The following SLC24A2 variants were observed in gnomAD, a reference collection of about 807,000 sequenced individuals.
SLC24A2 encodes sodium/potassium/calcium exchanger 2.
In SLC24A2, 36 loss-of-function variants were observed where a neutral mutation model predicts 62.0. The ratio of observed to expected loss-of-function variants is 0.58; its 90% CI spans 0.44 to 0.77. The LOEUF (loss-of-function observed/expected upper bound fraction) is 0.77. SLC24A2 is among the 30% of genes least tolerant of loss of function. The pLI, the probability that SLC24A2 is intolerant of heterozygous loss-of-function variation, is 0.00. For missense variants in SLC24A2, 846 were observed against 817.9 expected (o/e 1.03, Z -0.42); for synonymous variants, 358 against 294.0 (o/e 1.22, Z -2.23).
At chr9:20,196,384 T>C in the SLC24A2 span, among the ~76,000 whole-genome samples, 1 of 152,244 alleles carries the variant, frequency 6.6e-6, no homozygotes, top group Non-Finnish European at 1.5e-5. Flanking sequence ...ATTTTCTAAC[T>C]AGTGAGTTTC....
chr9:19,713,574 T>C (rs1820776148), intron 2 of SLC24A2, among the ~76,000 whole-genome samples: 1 of 151,950 alleles, frequency 6.6e-6, no homozygotes, highest in Non-Finnish European at 1.5e-5. Context: ...AACATTGATG[T>C]CTATTTGCCT....
chr9:20,191,049 G>C, the SLC24A2 span, among the ~76,000 whole-genome samples: 2 of 152,066 alleles, frequency 1.3e-5, no homozygotes, highest in African/African-American at 4.8e-5. Flanking sequence ...TTTGTGAATT[G>C]ACTTTGAAAG....
chr9:20,106,196 G>T, the SLC24A2 span, among the ~76,000 whole-genome samples: 1 of 152,170 alleles, frequency 6.6e-6, no homozygotes, highest in African/African-American at 2.4e-5. Flanking sequence ...TGAAATTGTG[G>T]CAATAATCAA....
At chr9:19,630,536 G>C (rs1462026125) in intron 2 of SLC24A2, among the ~76,000 whole-genome samples, 3 of 152,098 alleles carry the variant, frequency 2.0e-5, no homozygotes, top group Admixed American at 6.5e-5. Flanking sequence ...CATATTTATA[G>C]TCTTCTAGCT....
intron 1 of SLC24A2, among the ~76,000 whole-genome samples, chr9:19,787,404 A>C (rs1164985403): frequency 6.6e-6 from 1 of 152,218 alleles, no homozygotes; most frequent in Non-Finnish European, 1.5e-5. Context: ...CAGTGCTATA[A>C]AGGTACCTAG....
At chr9:19,619,922 CCAGA>C (rs1276005353) in intron 3 of SLC24A2, among the ~76,000 whole-genome samples, 1 of 152,154 alleles carries the variant, frequency 6.6e-6, no homozygotes, top group East Asian at 1.9e-4. Context: ...TTTGTAAATG[CCAGA>C]CAATGTGTTA....
the SLC24A2 span, among the ~76,000 whole-genome samples, chr9:20,011,047 T>A: frequency 6.6e-6 from 1 of 152,126 alleles, no homozygotes; most frequent in Non-Finnish European, 1.5e-5. Context: ...CTTTGCTATT[T>A]TGAATAGTGC....
chr9:20,212,600 C>T, the SLC24A2 span, among the ~76,000 whole-genome samples: 3 of 151,656 alleles, frequency 2.0e-5, no homozygotes, highest in African/African-American at 7.3e-5. Context: ...GTAAATAAAC[C>T]AGAACCCTCT....
chr9:19,783,409 G>A (rs560676848), intron 2 of SLC24A2, among the ~76,000 whole-genome samples: 2 of 152,224 alleles, frequency 1.3e-5, no homozygotes, highest in East Asian at 1.9e-4. Context: ...TCCACTGAAG[G>A]CCGCATTTGG....
At chr9:19,973,525 C>G in the SLC24A2 span, among the ~76,000 whole-genome samples, 1 of 152,336 alleles carries the variant, frequency 6.6e-6, no homozygotes, top group South Asian at 2.1e-4. Flanking sequence ...GCAAGACACA[C>G]TTAGATTTGG....
At chr9:20,270,721 A>G in the SLC24A2 span, among the ~76,000 whole-genome samples, 2 of 152,236 alleles carry the variant, frequency 1.3e-5, no homozygotes, top group Non-Finnish European at 2.9e-5. Context: ...TGGGGATATA[A>G]CAGTTAACAA....
At chr9:20,286,035 C>A in the SLC24A2 span, among the ~76,000 whole-genome samples, 1 of 152,196 alleles carries the variant, frequency 6.6e-6, no homozygotes, top group Admixed American at 6.5e-5. Context: ...AGCAGACTAA[C>A]ACAGTCCCCT....
the SLC24A2 span, among the ~76,000 whole-genome samples, chr9:19,852,871 T>G: frequency 6.6e-6 from 1 of 152,288 alleles, no homozygotes; most frequent in Admixed American, 6.5e-5. Flanking sequence ...TCAATGGTAC[T>G]TTAATGGAAA....
chr9:19,969,326 C>T, the SLC24A2 span, among the ~76,000 whole-genome samples: 4 of 152,020 alleles, frequency 2.6e-5, no homozygotes, highest in Non-Finnish European at 5.9e-5. Context: ...AACTTCAGAA[C>T]TTGGCTCAGT....
chr9:19,853,442 T>G, the SLC24A2 span, among the ~76,000 whole-genome samples: 1 of 152,114 alleles, frequency 6.6e-6, no homozygotes, highest in Non-Finnish European at 1.5e-5. Context: ...CTGGCTGTGG[T>G]TTTGTCAAAA....
chr9:19,780,457 G>A (rs1278346906), intron 2 of SLC24A2, among the ~76,000 whole-genome samples: 4 of 151,448 alleles, frequency 2.6e-5, no homozygotes, highest in African/African-American at 7.3e-5. Flanking sequence ...TAGTAGAGAC[G>A]GGGTTTCACC....
the SLC24A2 span, among the ~76,000 whole-genome samples, chr9:19,912,159 C>G: frequency 6.6e-6 from 1 of 152,016 alleles, no homozygotes; most frequent in Non-Finnish European, 1.5e-5. Flanking sequence ...GTTAGGCAAA[C>G]TCTTCTGCTG....
chr9:19,631,763 C>A (rs1818185585), intron 2 of SLC24A2, among the ~76,000 whole-genome samples: 1 of 152,140 alleles, frequency 6.6e-6, no homozygotes, highest in Non-Finnish European at 1.5e-5. Flanking sequence ...TCAGCGGAAA[C>A]CATTTGACTA....
At chr9:19,961,628 T>C in the SLC24A2 span, among the ~76,000 whole-genome samples, 1 of 152,216 alleles carries the variant, frequency 6.6e-6, no homozygotes, top group African/African-American at 2.4e-5. Context: ...TCATGCTCTG[T>C]GTAATACTCT....
Sources: allele counts gnomAD v4.1 joint callset (sites outside exome capture counted in the v4.1 genomes callset), GRCh38; gene constraint gnomAD v4.1.1; transcripts MANE v1.5; gene names NCBI Gene and HGNC (gene_info 2026-07-23, HGNC 2026-07-21).